The following PRMT7 variants were observed in gnomAD, a reference collection of about 807,000 sequenced individuals.
The protein encoded by PRMT7 is protein arginine methyltransferase 7.
PRMT7 carries 75 observed loss-of-function variants against 85.4 expected under a neutral mutation model. The observed-to-expected ratio is 0.88, with a 90% CI of 0.73 to 1.06. The LOEUF is 1.06. PRMT7 is among the 50% of genes least tolerant of loss of function. The pLI is 0.00. For synonymous variants in PRMT7, 397 were observed against 359.5 expected, an observed-to-expected ratio of 1.10 and a Z score of -1.18; for missense variants, 868 against 915.2, an observed-to-expected ratio of 0.95 and a Z score of 0.67.
chr16:68,327,010 A>G lies in PRMT7; in HGVS notation c.283-2056A>G, dbSNP rs892455740. On this transcript the variant is annotated intron_variant, in intron 5 of 18. Coordinates refer to ENST00000441236, the MANE Select transcript of PRMT7 (RefSeq NM_019023.5). The stretch of plus-strand genomic sequence containing the variant: ...CCTCAAACCACATCTAAAAACATCA[A>G]GGCAAATCCTAGAAATAATTTGAAA... Among the ~76,000 whole-genome samples, 34 of 152,192 alleles carry G rather than the reference A, an allele frequency of 2.2e-4. 1 individual carries two copies. Among genetic ancestry groups the G allele is most frequent in the Non-Finnish European group, 4.3e-4 (29 of 68,034 alleles).
chr16:68,345,608 G>C (rs898494287), intron 9 of PRMT7, 67 bp from the exon 10 acceptor site: 2 of 1,599,696 alleles, frequency 1.3e-6, no homozygotes, highest in East Asian at 2.2e-5. Flanking sequence ...TCTGGCATTT[G>C]GCTCCTGGAT....
Position 68,332,467 on chromosome 16 carries a change from G to A in PRMT7, c.391+3293G>A, listed in dbSNP as rs192763735. 2.8e-3 allele frequency among the ~76,000 whole-genome samples: 421 copies of A among 152,276 alleles called. 4 individuals carry two copies. Among genetic ancestry groups the A allele is most frequent in the African/African-American group, 9.9e-3 (410 of 41,538 alleles). ...AACCTTTCTGGAGTGTCTGCTGAGA[G>A]CTCTAGGTGCTCAGCAGGGTTTCCC... On this transcript the variant is annotated intron_variant, in intron 6 of 18. Transcript: ENST00000441236.
In PRMT7 at chr16:68,356,340, C is replaced by T. The variant is rs140700676; in HGVS notation, c.1812-361C>T. 2.6e-5 allele frequency among the ~76,000 whole-genome samples: 4 copies of T among 152,354 alleles called. No individual in the cohort carries two copies. In the East Asian group the frequency reaches 7.7e-4, roughly 29 times the overall value. ...CACCTCCCAACTCGGGGCAGGCAGC[C>T]AGGCAGGGCGGGCGCCATCACCTGA... is the stretch of plus-strand genomic sequence containing the variant. On this transcript the variant is annotated intron_variant, in intron 17 of 18. Coordinates refer to ENST00000441236, the MANE Select transcript of PRMT7 (RefSeq NM_019023.5).
intron 11 of PRMT7, 83 bp from the exon 12 acceptor site, chr16:68,347,128 G>A: frequency 7.7e-7 from 1 of 1,294,806 alleles, no homozygotes. Flanking sequence ...GAGTGAGAAG[G>A]GAAGTATTTC....
chr16:68,317,163 G>A (rs1164487951), intron 3 of PRMT7, among the ~76,000 whole-genome samples: 1 of 151,052 alleles, frequency 6.6e-6, no homozygotes, highest in East Asian at 1.9e-4. Context: ...ACTTGAACTC[G>A]GGAGGTGGAG....
intron 17 of PRMT7, among the ~76,000 whole-genome samples, 164 bp from the exon 18 acceptor site, chr16:68,356,537 G>A (rs1450604813): frequency 6.6e-6 from 1 of 152,244 alleles, no homozygotes; most frequent in East Asian, 1.9e-4. Flanking sequence ...TTCTGGCTGG[G>A]GTTTTTCTGA....
intron 6 of PRMT7, among the ~76,000 whole-genome samples, chr16:68,336,726 G>A (rs888868082): frequency 2.0e-5 from 3 of 151,980 alleles, no homozygotes; most frequent in African/African-American, 4.8e-5. Flanking sequence ...TTCTTTTTGG[G>A]TGTGTGTTTT....
chr16:68,359,347 C>G (rs1161439646), downstream of PRMT7: 1 of 152,444 alleles, frequency 6.6e-6, no homozygotes, highest in Non-Finnish European at 1.5e-5. Context: ...GAGAGCCCAG[C>G]AGGATGCTCG....
chr16:68,320,283 G>A (rs982456991), intron 3 of PRMT7, among the ~76,000 whole-genome samples: 1 of 152,180 alleles, frequency 6.6e-6, no homozygotes, highest in Non-Finnish European at 1.5e-5. Flanking sequence ...ACCCAGTGGC[G>A]CTAGAGGAAT....
At position 68,339,856 on chromosome 16, in the gene PRMT7, C is replaced by T; in HGVS notation, c.815C>T (p.Ser272Phe). 11 of 1,614,216 alleles carry T rather than the reference C, an allele frequency of 6.8e-6. No homozygotes were observed. The highest frequency in any genetic ancestry group is 9.3e-6 in the Non-Finnish European group (11 of 1,180,014). The stretch of plus-strand genomic sequence containing the variant: ...AGCAGGCGGTTTGAACCTCTGACAT[C>T]TGGCCGAGCTCAGGTGGTTCTCTCG... ...CHSRRFEPLT[S>F]GRAQVVLSWW... The change falls in exon 9 of 19, where the codon TCT becomes TTT. Residue 272 changes from serine (S) to phenylalanine (F), a missense_variant. By Grantham distance (155) the Ser-to-Phe change is radical. Transcript: ENST00000441236.
At chr16:68,351,156 C>T (rs919152539) in intron 14 of PRMT7, among the ~76,000 whole-genome samples, 1 of 152,200 alleles carries the variant, frequency 6.6e-6, no homozygotes, top group Non-Finnish European at 1.5e-5. Flanking sequence ...GCGTTCTTGC[C>T]ATGTTCCTGA....
At chr16:68,359,479 G>C (rs938501982), downstream of PRMT7, 1 of 152,708 alleles carries the variant, frequency 6.5e-6, no homozygotes, top group African/African-American at 2.4e-5. Flanking sequence ...ACGTCCTAGC[G>C]CCAGGCTCCC....
At chr16:68,312,205 T>TTATATATATATA (rs61533636) in intron 2 of PRMT7, 29 bp downstream of exon 2, 2 of 130,634 alleles carry the variant, frequency 1.5e-5, no homozygotes, top group African/African-American at 5.8e-5. Flanking sequence ...ATATGTATAT[T>TTATATATATATA]TATATATATA....
intron 6 of PRMT7, among the ~76,000 whole-genome samples, chr16:68,330,197 A>G (rs2083667008): frequency 6.6e-6 from 1 of 152,088 alleles, no homozygotes; most frequent in Non-Finnish European, 1.5e-5. Context: ...CCTGGCCTCC[A>G]GAATATTTTT....
intron 6 of PRMT7, among the ~76,000 whole-genome samples, chr16:68,335,984 C>G (rs2084629945): frequency 6.6e-6 from 1 of 152,102 alleles, no homozygotes; most frequent in African/African-American, 2.4e-5. Context: ...ACCACGTTGG[C>G]CAGGTTGGTT....
intron 5 of PRMT7, 65 bp from the exon 6 acceptor site, chr16:68,329,000 CT>C: frequency 8.7e-7 from 1 of 1,143,210 alleles, no homozygotes; most frequent in Non-Finnish European, 1.3e-6. Context: ...GCTTGCTCAC[CT>C]TAAAGGTCAG....
intron 3 of PRMT7, among the ~76,000 whole-genome samples, chr16:68,320,430 A>G (rs1887940761): frequency 6.6e-6 from 1 of 152,176 alleles, no homozygotes; most frequent in African/African-American, 2.4e-5. Flanking sequence ...GTTCCTATAG[A>G]TTATAGATTA....
At chr16:68,326,779 A>G (rs1442577332) in intron 5 of PRMT7, among the ~76,000 whole-genome samples, 2 of 152,188 alleles carry the variant, frequency 1.3e-5, no homozygotes, top group African/African-American at 4.8e-5. Context: ...TCGGGAGGTC[A>G]TCTTCAGTGT....
rs201971379 is a variant in PRMT7, at chr16:68,346,235, C to G, written c.1146C>G (p.Ile382Met). 4.0e-5 allele frequency: 64 copies of G among 1,614,104 alleles called. No homozygotes were observed. Among genetic ancestry groups the G allele is most frequent in the Admixed American group, 1.2e-4 (7 of 60,008 alleles). The change falls in exon 11 of 19, where the codon ATC (isoleucine) becomes ATG (methionine). Residue 382 changes from isoleucine to methionine, a missense_variant. Transcript: ENST00000441236. ...LLWNRPRFGEINDQDRTDRYV... is the reference protein window; with the variant it reads ...LLWNRPRFGEMNDQDRTDRYV... ...GGAACCGGCCTCGGTTTGGAGAGAT[C>G]AATGACCAGGACAGAACTGATCGAT...
Sources: gnomAD v4.1 joint callset for allele counts (sites outside exome capture counted in the v4.1 genomes callset) on GRCh38, gnomAD v4.1.1 for gene constraint, MANE v1.5 for transcripts, NCBI Gene and HGNC (gene_info 2026-07-23, HGNC 2026-07-21) for gene names.